The following KLRD1 variants were observed in gnomAD, a reference collection of about 807,000 sequenced individuals.
KLRD1 encodes natural killer cells antigen CD94.
A neutral mutation model predicts 22.6 loss-of-function variants in KLRD1; 21 were observed. That is an observed-to-expected ratio of 0.93 (90% CI 0.66 to 1.34). The LOEUF (loss-of-function observed/expected upper bound fraction) is 1.34. Among genes scored for constraint, KLRD1 ranks in the 40% most tolerant of loss-of-function variants. The pLI is 0.00. For synonymous variants in KLRD1, 59 were observed against 71.1 expected, an observed-to-expected ratio of 0.83 and a Z score of 0.85; for missense variants, 183 against 208.6, an observed-to-expected ratio of 0.88 and a Z score of 0.76.
intron 1 of KLRD1, among the ~76,000 whole-genome samples, chr12:10,239,561 TTCTTTCTTTC>T (rs1949221340): frequency 7.7e-6 from 1 of 130,376 alleles, no homozygotes; most frequent in African/African-American, 3.3e-5. Flanking sequence ...CTTTCTTTCT[TTCTTTCTTTC>T]TTTCTTTCTT....
upstream of KLRD1, among the ~76,000 whole-genome samples, chr12:10,301,724 A>G (rs61917598): frequency 0.24 from 36,463 of 152,102 alleles, 5,235 homozygotes; most frequent in Admixed American, 0.33. Context: ...TTGCCTTCTA[A>G]GACATTTCCT....
At chr12:10,298,042 A>G (rs1011432005) in intron 1 of KLRD1, among the ~76,000 whole-genome samples, 1 of 152,218 alleles carries the variant, frequency 6.6e-6, no homozygotes, top group African/African-American at 2.4e-5. Flanking sequence ...TTTTATGATA[A>G]TGGTACATAT....
intron 5 of KLRD1, 34 bp from the exon 6 acceptor site, chr12:10,314,639 T>C (rs186926269): frequency 1.1e-5 from 16 of 1,515,214 alleles, no homozygotes; most frequent in Admixed American, 2.3e-5. Context: ...TTACTTCCTT[T>C]TTGTGTATGT....
At position 10,320,870 on chromosome 12, in the gene KLRD1, C is replaced by T. The variant is rs565951085; in HGVS notation, c.*6077C>T. On this transcript the variant is annotated 3_prime_UTR_variant, in exon 6 of 6. Transcript: ENST00000336164. The stretch of plus-strand genomic sequence containing the variant: ...TCTAGGAAGCCCCAGGGTATTGTCC[C>T]TCAGGTATCTCAGCAGAAGCTCCAG... 1.3e-5 allele frequency: 2 copies of T among 152,234 alleles called. No individual in the cohort carries two copies. Among genetic ancestry groups the T allele is most frequent in the East Asian group, 3.9e-4 (2 of 5,176 alleles). The allele number at this position is 152,234 out of a possible 1,614,324, so 9.4% of individuals were successfully genotyped here. A position where few individuals can be genotyped will look rare whatever the true frequency, so the allele number is the denominator to read the frequency against.
chr12:10,248,426 A>G (rs1233167318), intron 1 of KLRD1, among the ~76,000 whole-genome samples: 1 of 152,132 alleles, frequency 6.6e-6, no homozygotes, highest in Non-Finnish European at 1.5e-5. Flanking sequence ...TATGGTAATG[A>G]TAAGTATGTT....
chr12:10,272,234 G>A (rs1317010057), intron 1 of KLRD1, among the ~76,000 whole-genome samples: 1 of 152,128 alleles, frequency 6.6e-6, no homozygotes, highest in African/African-American at 2.4e-5. Context: ...CATATTGCAT[G>A]TATTCCTTCA....
chr12:10,287,334 T>C (rs1448265578), intron 1 of KLRD1, among the ~76,000 whole-genome samples: 2 of 152,168 alleles, frequency 1.3e-5, no homozygotes, highest in Non-Finnish European at 2.9e-5. Flanking sequence ...CTGGTATTTG[T>C]TTCATACACA....
At chr12:10,239,468 TC>T (rs71300163) in intron 1 of KLRD1, among the ~76,000 whole-genome samples, 512 of 25,060 alleles carry the variant, frequency 0.02, 40 homozygotes, top group African/African-American at 0.042. Flanking sequence ...CTTCCTTCCT[TC>T]CTTCCTTCCT....
intron 1 of KLRD1, among the ~76,000 whole-genome samples, chr12:10,270,224 A>G (rs1226948782): frequency 6.6e-6 from 1 of 152,232 alleles, no homozygotes; most frequent in Non-Finnish European, 1.5e-5. Flanking sequence ...CTGAATTGAT[A>G]AAATTACTTG....
At chr12:10,257,264 G>A (rs1200057296) in intron 1 of KLRD1, among the ~76,000 whole-genome samples, 3 of 148,414 alleles carry the variant, frequency 2.0e-5, no homozygotes, top group African/African-American at 7.4e-5. Context: ...GGATTTGTAA[G>A]ATTCATGATT....
intron 1 of KLRD1, among the ~76,000 whole-genome samples, chr12:10,284,226 A>G (rs924215464): frequency 6.6e-6 from 1 of 151,994 alleles, no homozygotes; most frequent in Admixed American, 6.6e-5. Flanking sequence ...ACAACAAAAG[A>G]CTTGTTAACA....
rs893899408 is a variant in KLRD1 at position 10,328,200 on chromosome 12, T to G, written c.*13407T>G. On this transcript the variant is annotated 3_prime_UTR_variant, in exon 6 of 6. Coordinates refer to ENST00000336164, the MANE Select transcript of KLRD1 (RefSeq NM_002262.5). ...TTAGTTTGAAAGTATTTATTCTTTT[T>G]AAATTTTTATATAATAGCTTGGGAA... The G allele has an allele frequency of 1.3e-5, 2 of 152,196 alleles. No homozygotes were observed. The highest frequency in any genetic ancestry group is 3.8e-4 in the East Asian group (2 of 5,200). The allele number at this position is 152,196 out of a possible 1,614,324, so 9.4% of individuals were successfully genotyped here. A position where few individuals can be genotyped will look rare whatever the true frequency, so the allele number is the denominator to read the frequency against.
chr12:10,312,542 T>C (rs1290090006), intron 4 of KLRD1, among the ~76,000 whole-genome samples: 3 of 151,014 alleles, frequency 2.0e-5, no homozygotes, highest in Non-Finnish European at 4.4e-5. Flanking sequence ...CCACGCCCAG[T>C]TAATTTTGTG....
chr12:10,284,060 G>A (rs972829767), intron 1 of KLRD1, among the ~76,000 whole-genome samples: 4 of 150,728 alleles, frequency 2.7e-5, no homozygotes, highest in Admixed American at 6.6e-5. Flanking sequence ...GGTGGTGGGC[G>A]CTTGTAATCC....
At position 10,327,837 on chromosome 12, in the gene KLRD1, A is replaced by G. The variant is rs1184508334; in HGVS notation, c.*13044A>G. ...TTCAAAATGTTGAAATATTTTTCTC[A>G]AATTCTAGGTTGGCAGGAGTTATCA... On this transcript the variant is annotated 3_prime_UTR_variant, in exon 6 of 6. Transcript: ENST00000336164. The G allele has an allele frequency of 6.6e-6, 1 of 152,148 alleles. No homozygotes were observed. The highest frequency in any genetic ancestry group is 1.5e-5 in the Non-Finnish European group (1 of 68,010). 9.4% of individuals were successfully genotyped at this position (152,148 alleles called of 1,614,324 possible). A position where few individuals can be genotyped will look rare whatever the true frequency, so the allele number is the denominator to read the frequency against.
Position 10,276,397 on chromosome 12 carries a change from T to A in KLRD1, c.-100-31581T>A, listed in dbSNP as rs554351338. Among the ~76,000 whole-genome samples, 893 of 152,310 alleles carry A rather than the reference T, an allele frequency of 5.9e-3. 5 individuals carry two copies. The highest frequency in any genetic ancestry group is 7.5e-3 in the Non-Finnish European group (513 of 68,024). ...AGGGTAGCCTTTGACATTTTCTGTT[T>A]ATCACAGCCTTTTAGTATCTTTATC... On this transcript the variant is annotated intron_variant, in intron 1 of 5. Transcript: ENST00000544747.
chr12:10,293,093 C>T (rs1379838374), intron 1 of KLRD1, among the ~76,000 whole-genome samples: 1 of 123,272 alleles, frequency 8.1e-6, no homozygotes, highest in Non-Finnish European at 1.7e-5. Flanking sequence ...GCGCCTTAGG[C>T]TTTGGCTTAA....
chr12:10,277,453 T>C (rs1188973714), intron 1 of KLRD1, among the ~76,000 whole-genome samples: 5 of 152,198 alleles, frequency 3.3e-5, no homozygotes, highest in African/African-American at 1.2e-4. Flanking sequence ...GGTGTTTTTT[T>C]ACTGAGTTTA....
At chr12:10,309,535 A>G (rs1950006011) in intron 2 of KLRD1, 55 bp downstream of exon 2, 2 of 1,278,982 alleles carry the variant, frequency 1.6e-6, no homozygotes, top group African/African-American at 2.9e-5. Flanking sequence ...GACATCATTT[A>G]ATAATAAAGG....
Sources: allele counts gnomAD v4.1 joint callset (sites outside exome capture counted in the v4.1 genomes callset), GRCh38; gene constraint gnomAD v4.1.1; transcripts MANE v1.5; gene names NCBI Gene and HGNC (gene_info 2026-07-23, HGNC 2026-07-21).